Variants in GNAI1 observed in about 807,000 individuals in gnomAD.
The protein encoded by GNAI1 is G protein subunit alpha i1.
Under a neutral mutation model 38.9 loss-of-function variants are expected in GNAI1, and 11 were observed. The ratio of observed to expected loss-of-function variants is 0.28; its 90% CI spans 0.18 to 0.47. The LOEUF (loss-of-function observed/expected upper bound fraction) is 0.47. Among genes scored for constraint, GNAI1 ranks in the 20% least tolerant of loss-of-function variants. The pLI is 0.99. For synonymous variants in GNAI1, 166 were observed against 145.1 expected, an observed-to-expected ratio of 1.14 and a Z score of -1.04; for missense variants, 317 against 436.9, an observed-to-expected ratio of 0.73 and a Z score of 2.45.
chr7:80,153,541 T>C (rs1787764277), intron 1 of GNAI1, among the ~76,000 whole-genome samples: 1 of 152,112 alleles, frequency 6.6e-6, no homozygotes, highest in African/African-American at 2.4e-5. Context: ...GTGGCCGAGG[T>C]AGGATGCTTA....
At position 80,224,871 on chromosome 7, in the gene GNAI1, TCTA is replaced by T. The variant is rs1174520480; in HGVS notation, c.*7381_*7383del. Among the ~76,000 whole-genome samples, 3 of 152,208 alleles carry T rather than the reference TCTA, an allele frequency of 2.0e-5. No homozygotes were observed. Among genetic ancestry groups the T allele is most frequent in the Admixed American group, 6.5e-5 (1 of 15,278 alleles). On this transcript the variant is annotated 3_prime_UTR_variant, in exon 8 of 8. Transcript: ENST00000649796. The stretch of plus-strand genomic sequence containing the variant: ...ATATTGGGTTATATAATTTTAAAAT[TCTA>T]CTTTTTTTTACATTTTTAATGTGGT...
chr7:80,196,462 G>A (rs887244577), intron 3 of GNAI1, among the ~76,000 whole-genome samples: 2 of 151,944 alleles, frequency 1.3e-5, no homozygotes, highest in Non-Finnish European at 2.9e-5. Flanking sequence ...ATTTATAGAT[G>A]TTAAGTAATT....
At chr7:80,198,175 A>T (rs1788614928) in intron 3 of GNAI1, among the ~76,000 whole-genome samples, 2 of 151,988 alleles carry the variant, frequency 1.3e-5, no homozygotes, top group South Asian at 4.1e-4. Flanking sequence ...AATCCTTAAA[A>T]TGTATCTACT....
chr7:80,197,666 T>G (rs1363888994), intron 3 of GNAI1, among the ~76,000 whole-genome samples: 1 of 152,060 alleles, frequency 6.6e-6, no homozygotes, highest in Non-Finnish European at 1.5e-5. Context: ...CCATGTTATG[T>G]GAGGTTTATT....
chr7:80,168,368 C>T (rs994610720), intron 1 of GNAI1, among the ~76,000 whole-genome samples: 1 of 152,058 alleles, frequency 6.6e-6, no homozygotes. Context: ...ATAATATTCA[C>T]CATTTTAATT....
At chr7:80,170,105 A>G (rs1183185817) in intron 1 of GNAI1, among the ~76,000 whole-genome samples, 1 of 152,142 alleles carries the variant, frequency 6.6e-6, no homozygotes, top group East Asian at 1.9e-4. Flanking sequence ...CCATTTTGCT[A>G]TTATGATGCT....
At chr7:80,215,755 G>C (rs1788958012) in intron 7 of GNAI1, among the ~76,000 whole-genome samples, 1 of 136,900 alleles carries the variant, frequency 7.3e-6, no homozygotes, top group Non-Finnish European at 1.6e-5. Context: ...TTTCTAGGAG[G>C]AGGAAAAAGT....
rs541846355 is a variant in GNAI1 at position 80,218,757 on chromosome 7, C to A, written c.*1264C>A. On this transcript the variant is annotated 3_prime_UTR_variant, in exon 8 of 8. Transcript: ENST00000649796. Reference sequence around the variant, plus strand: ...TTTCTGAGAATGAAATGGACGATTACACTTAGAAAATGAGTAATAGTGTTT... The same window carrying A: ...TTTCTGAGAATGAAATGGACGATTAAACTTAGAAAATGAGTAATAGTGTTT... 1.8e-4 allele frequency: 28 copies of A among 152,118 alleles called. No individual in the cohort carries two copies. The highest frequency in any genetic ancestry group is 6.5e-4 in the African/African-American group (27 of 41,502). The allele number at this position is 152,118 out of a possible 1,614,324, so 9.4% of individuals were successfully genotyped here.
chr7:80,156,829 T>C (rs1787826998), intron 1 of GNAI1, among the ~76,000 whole-genome samples: 1 of 152,130 alleles, frequency 6.6e-6, no homozygotes, highest in African/African-American at 2.4e-5. Context: ...AGGTTCACAG[T>C]ACTATTGAGC....
At chr7:80,199,167 G>T in intron 3 of GNAI1, 58 bp from the exon 4 acceptor site, 3 of 1,195,198 alleles carry the variant, frequency 2.5e-6, no homozygotes, top group East Asian at 2.5e-5. Context: ...TGTCTCCTTT[G>T]TACTTTTTAT....
In GNAI1 at chr7:80,135,936, G is replaced by A. The variant is rs1052248799; in HGVS notation, c.118+658G>A. On this transcript the variant is annotated intron_variant, in intron 1 of 7. Coordinates refer to ENST00000649796, the MANE Select transcript of GNAI1 (RefSeq NM_002069.6). ...GGGGCATGGAAGCCACCCAAGTGGG[G>A]TTGGGAAGCTTTGCTTTAGTAGTAG... 5 of 985,284 alleles carry A rather than the reference G, an allele frequency of 5.1e-6. No homozygotes were observed. The South Asian group carries it at 1.4e-4, about 28-fold the overall frequency. The allele number at this position is 985,284 out of a possible 1,614,324, so 61.0% of individuals were successfully genotyped here. A position where few individuals can be genotyped will look rare whatever the true frequency, so the allele number is the denominator to read the frequency against.
At chr7:80,176,709 G>A (rs1788187027) in intron 1 of GNAI1, among the ~76,000 whole-genome samples, 1 of 151,962 alleles carries the variant, frequency 6.6e-6, no homozygotes, top group Admixed American at 6.6e-5. Flanking sequence ...GGCCAAGGCG[G>A]GCAGATCACC....
At chr7:80,196,802 G>A (rs1166721207) in intron 3 of GNAI1, among the ~76,000 whole-genome samples, 1 of 151,758 alleles carries the variant, frequency 6.6e-6, no homozygotes, top group Non-Finnish European at 1.5e-5. Flanking sequence ...AAAGAAAAGA[G>A]GCTTGAAAAA....
At chr7:80,205,882 A>C (rs559666128) in intron 5 of GNAI1, among the ~76,000 whole-genome samples, 105 of 152,258 alleles carry the variant, frequency 6.9e-4, no homozygotes, top group African/African-American at 2.4e-3. Context: ...TAATCATTCT[A>C]AATAAATCTT....
At chr7:80,183,581 A>G (rs1788334432) in intron 1 of GNAI1, among the ~76,000 whole-genome samples, 1 of 152,132 alleles carries the variant, frequency 6.6e-6, no homozygotes, top group Non-Finnish European at 1.5e-5. Context: ...AAGCCAGGAA[A>G]TAAATGATAT....
chr7:80,157,801 G>A (rs1787845246), intron 1 of GNAI1, among the ~76,000 whole-genome samples: 1 of 152,122 alleles, frequency 6.6e-6, no homozygotes, highest in Non-Finnish European at 1.5e-5. Context: ...CTGTCTCCCA[G>A]ATTCAAACAA....
intron 3 of GNAI1, among the ~76,000 whole-genome samples, chr7:80,195,620 G>T (rs1240256469): frequency 6.6e-6 from 1 of 151,774 alleles, no homozygotes; most frequent in East Asian, 1.9e-4. Flanking sequence ...TGAAAGAAAG[G>T]CCTTCAATAA....
chr7:80,195,799 C>G (rs1788559259), intron 3 of GNAI1, among the ~76,000 whole-genome samples: 1 of 151,990 alleles, frequency 6.6e-6, no homozygotes, highest in South Asian at 2.1e-4. Flanking sequence ...TTTAAAAACT[C>G]TGTCATTCCC....
chr7:80,215,611 A>G (rs1415663002), intron 7 of GNAI1, among the ~76,000 whole-genome samples: 3 of 152,188 alleles, frequency 2.0e-5, no homozygotes, highest in Admixed American at 2.0e-4. Context: ...GGATTCTATA[A>G]GATATAAAAG....
Sources: allele counts gnomAD v4.1 joint callset (sites outside exome capture counted in the v4.1 genomes callset), GRCh38; gene constraint gnomAD v4.1.1; transcripts MANE v1.5; gene names NCBI Gene and HGNC (gene_info 2026-07-23, HGNC 2026-07-21).